ACADSB: variants seen among roughly 807,000 people sequenced by gnomAD.
ACADSB encodes acyl-CoA dehydrogenase short/branched chain.
A neutral mutation model predicts 54.1 loss-of-function variants in ACADSB; 40 were observed. That is an observed-to-expected ratio of 0.74 (90% CI 0.57 to 0.96). The LOEUF is 0.96. Ranked by LOEUF, ACADSB falls within the 40% of genes least tolerant of loss-of-function variation. ACADSB has a pLI of 0.00. For missense variants in ACADSB, 530 were observed against 510.4 expected (o/e 1.04, Z -0.37); for synonymous variants, 182 against 182.8 (o/e 1.00, Z 0.03).
chr10:123,044,348 C>G lies in ACADSB; in HGVS notation c.808-45C>G, dbSNP rs538719373. On this transcript the variant is annotated intron_variant, in intron 6 of 10. Transcript: ENST00000358776. ...TTACAAATATATAATCAAAATGAAT[C>G]ATGGAAAATGAAACTGAGAAATAAG... is the stretch of plus-strand genomic sequence containing the variant. The G allele has an allele frequency of 8.9e-6, 13 of 1,468,040 alleles. No homozygotes were observed. The Admixed American group carries it at 1.3e-4, about 15-fold the overall frequency. 90.9% of individuals were successfully genotyped at this position (1,468,040 alleles called of 1,614,324 possible). A position where few individuals can be genotyped will look rare whatever the true frequency, so the allele number is the denominator to read the frequency against.
intron 7 of ACADSB, among the ~76,000 whole-genome samples, chr10:123,045,623 C>T (rs1238345227): frequency 2.0e-5 from 3 of 152,008 alleles, no homozygotes; most frequent in Admixed American, 1.3e-4. Context: ...ACTTTGCTAA[C>T]TATTTTTAGA....
rs2133502025 is a variant in ACADSB at position 123,057,901 on chromosome 10, A to G, written c.*4136A>G. ...CTAGTATTAAACATTGCCCCTTTCG[A>G]CAAATTTTGGATTTCATTCTTGTTA... On this transcript the variant is annotated 3_prime_UTR_variant, in exon 11 of 11. Transcript: ENST00000358776. The G allele has an allele frequency of 6.6e-6, 1 of 152,300 alleles. No homozygotes were observed. Among genetic ancestry groups the G allele is most frequent in the Non-Finnish European group, 1.5e-5 (1 of 68,028 alleles). The allele number at this position is 152,300 out of a possible 1,614,324, so 9.4% of individuals were successfully genotyped here.
At chr10:123,031,283 T>C (rs1850322443) in intron 1 of ACADSB, among the ~76,000 whole-genome samples, 1 of 152,238 alleles carries the variant, frequency 6.6e-6, no homozygotes. Context: ...TGGACTTTAT[T>C]ATTCTGTCCA....
At chr10:123,019,855 C>G (rs545539575) in intron 1 of ACADSB, among the ~76,000 whole-genome samples, 2 of 152,280 alleles carry the variant, frequency 1.3e-5, no homozygotes, top group South Asian at 2.1e-4. Flanking sequence ...CACTCGCTAC[C>G]CCTAACCTCC....
At position 123,052,211 on chromosome 10, in the gene ACADSB, C is replaced by T. The variant is rs1462349635; in HGVS notation, c.1129-850C>T. On this transcript the variant is annotated intron_variant, in intron 9 of 10. Transcript: ENST00000358776. This position sits in a 1 kb window ranked among gnomAD's most constrained non-coding sequence, Gnocchi z 4.2. ...TCGGGGACCTAAAACAACGCAGTTT[C>T]ATTTTCTGTCACTTCTAGAGGTCAG... Among the ~76,000 whole-genome samples, 2 of 152,224 alleles carry T rather than the reference C, an allele frequency of 1.3e-5. No homozygotes were observed. Among genetic ancestry groups the T allele is most frequent in the African/African-American group, 4.8e-5 (2 of 41,448 alleles).
rs745900584 is a variant in ACADSB, at chr10:123,051,158, C to T, written c.1100C>T (p.Ala367Val). Residue 367 changes from alanine to valine, a missense_variant, in exon 9 of 11, where the codon GCG (alanine) becomes GTG (valine). Physicochemically the swap from Ala to Val is moderately conservative, Grantham distance 64. Transcript: ENST00000358776. ...GCTGGAAAGCCATTCATAAAAGAAG[C>T]GTCAATGGCCAAATACTATGCATCA... ...LEAGKPFIKE[A>V]SMAKYYASEI... 11 of 1,403,428 alleles carry T rather than the reference C, an allele frequency of 7.8e-6. No homozygotes were observed. Among genetic ancestry groups the T allele is most frequent in the Admixed American group, 4.5e-5 (2 of 44,758 alleles). 86.9% of individuals were successfully genotyped at this position (1,403,428 alleles called of 1,614,324 possible).
chr10:123,051,211 A>G, intron 9 of ACADSB, 25 bp downstream of exon 9: 4 of 1,358,400 alleles, frequency 2.9e-6, no homozygotes, highest in Non-Finnish European at 3.9e-6. Context: ...AAAAAAAAAA[A>G]AGGAAAAAGT....
intron 1 of ACADSB, chr10:123,027,521 C>T (rs1441833165): frequency 1.1e-5 from 5 of 455,242 alleles, no homozygotes; most frequent in Non-Finnish European, 2.2e-5. Flanking sequence ...TTCTCATTTT[C>T]TGCTGCTGCT....
Position 123,034,431 on chromosome 10 carries a change from G to A in ACADSB, c.118G>A (p.Ala40Thr). 1 of 1,613,396 alleles carries A rather than the reference G, an allele frequency of 6.2e-7. No individual in the cohort carries two copies. Among genetic ancestry groups the A allele is most frequent in the Non-Finnish European group, 8.5e-7 (1 of 1,179,738 alleles). The part of the protein sequence containing the change: ...PHVSKSSQSE[A>T]LLNITNNGIH... ...TGTCTCAAAATCTTCCCAGTCAGAAGCTCTACTCAATATAACAAATAATGG... is the reference window on the plus strand; with the variant it reads ...TGTCTCAAAATCTTCCCAGTCAGAAACTCTACTCAATATAACAAATAATGG... The change falls in exon 2 of 11, where the codon GCT becomes ACT. Residue 40 changes from alanine (A) to threonine (T), a missense_variant. Coordinates refer to ENST00000358776, the MANE Select transcript of ACADSB (RefSeq NM_001609.4).
At chr10:123,039,138 G>A (rs1398104313) in intron 3 of ACADSB, among the ~76,000 whole-genome samples, 1 of 152,236 alleles carries the variant, frequency 6.6e-6, no homozygotes, top group African/African-American at 2.4e-5. Flanking sequence ...GGAGAGATTA[G>A]TGACTTTTTT....
Position 123,054,596 on chromosome 10 carries a change from G to GA in ACADSB, c.*835dup, listed in dbSNP as rs1411703167. ...CTGGTTTTAAATATGAGAATCAGTG[G>GA]AAAATAAGGGTATAATTTTGTAGGT... On this transcript the variant is annotated 3_prime_UTR_variant, in exon 11 of 11. Coordinates refer to ENST00000358776, the MANE Select transcript of ACADSB (RefSeq NM_001609.4). 2 of 152,074 alleles carry GA rather than the reference G, an allele frequency of 1.3e-5. No individual in the cohort carries two copies. Among genetic ancestry groups the GA allele is most frequent in the African/African-American group, 4.8e-5 (2 of 41,404 alleles). 9.4% of individuals were successfully genotyped at this position (152,074 alleles called of 1,614,324 possible).
At position 123,037,782 on chromosome 10, in the gene ACADSB, G is replaced by T. The variant is rs777545593; in HGVS notation, c.238G>T (p.Val80Phe). ...TGCTCAGGAACAAATTGCACCTTTG[G>T]TTTCAACCATGGATGAAAATTCGAA... ...KFAQEQIAPL[V>F]STMDENSKME... is the part of the protein sequence containing the mutation. The change falls in exon 3 of 11, where the codon GTT becomes TTT. Residue 80 changes from valine (V) to phenylalanine (F), a missense_variant. By Grantham distance (50) the Val-to-Phe change is conservative (BLOSUM62 -1). Transcript: ENST00000358776. The T allele has an allele frequency of 2.3e-5, 37 of 1,612,262 alleles. No individual in the cohort carries two copies. The highest frequency in any genetic ancestry group is 2.9e-5 in the Non-Finnish European group (34 of 1,178,676).
intron 1 of ACADSB, among the ~76,000 whole-genome samples, chr10:123,030,945 AT>A (rs1213237390): frequency 8.5e-5 from 13 of 152,226 alleles, no homozygotes; most frequent in East Asian, 1.9e-4. Flanking sequence ...AAATCAATCT[AT>A]TTTTTTCCCC....
rs202191462 is a variant in ACADSB at position 123,053,168 on chromosome 10, G to C, written c.1228+8G>C. The C allele has an allele frequency of 9.9e-5, 146 of 1,475,008 alleles. 1 individual carries two copies. Among genetic ancestry groups the C allele is most frequent in the Non-Finnish European group, 2.9e-5 (32 of 1,111,678 alleles). 91.4% of individuals were successfully genotyped at this position (1,475,008 alleles called of 1,614,324 possible). The stretch of plus-strand genomic sequence containing the variant: ...TCCGAGATGCAAAGATTGGTAAATA[G>C]ATTTTTTTTTTTTACATTTTATTTT... On this transcript the variant is annotated splice_region_variant and intron_variant, in intron 10 of 10. Coordinates refer to ENST00000358776, the MANE Select transcript of ACADSB (RefSeq NM_001609.4).
chr10:123,042,588 C>T (rs1850489831), intron 5 of ACADSB, among the ~76,000 whole-genome samples: 2 of 150,506 alleles, frequency 1.3e-5, no homozygotes, highest in African/African-American at 2.4e-5. Context: ...AGCCTCCTGA[C>T]GGGTGCCTGC....
intron 1 of ACADSB, among the ~76,000 whole-genome samples, chr10:123,012,654 C>T (rs963310940): frequency 6.6e-6 from 1 of 151,904 alleles, no homozygotes; most frequent in African/African-American, 2.4e-5. Context: ...TAAGGCGGCA[C>T]ATCTGGAGTT....
chr10:123,053,328 CA>C lies in ACADSB; in HGVS notation c.1228+176del, dbSNP rs1314467229. On this transcript the variant is annotated intron_variant, in intron 10 of 10. Coordinates refer to ENST00000358776, the MANE Select transcript of ACADSB (RefSeq NM_001609.4). ...TGGATTTTTTTCTTACCTCGTCCTT[CA>C]AAAAAAATTGTTCTATATTTTTAAA... is the stretch of plus-strand genomic sequence containing the variant. 5.9e-5 allele frequency among the ~76,000 whole-genome samples: 9 copies of C among 151,308 alleles called. No homozygotes were observed. The South Asian group carries it at 1.5e-3, about 25-fold the overall frequency.
chr10:123,024,478 C>T (rs892215024), intron 1 of ACADSB, among the ~76,000 whole-genome samples: 2 of 152,174 alleles, frequency 1.3e-5, no homozygotes, highest in African/African-American at 4.8e-5. Flanking sequence ...ACCAAGGATC[C>T]TGAGTTGGAA....
In ACADSB at chr10:123,057,059, AG is replaced by A. The variant is rs1402014332; in HGVS notation, c.*3298del. ...GTATGACATGGATGAAATGCCCTAC[AG>A]GGGCCTTGGACATCTTTAATTTCTG... On this transcript the variant is annotated 3_prime_UTR_variant, in exon 11 of 11. Coordinates refer to ENST00000358776, the MANE Select transcript of ACADSB (RefSeq NM_001609.4). 1 of 152,648 alleles carries A rather than the reference AG, an allele frequency of 6.6e-6. No homozygotes were observed. The highest frequency in any genetic ancestry group is 1.5e-5 in the Non-Finnish European group (1 of 68,026). The allele number at this position is 152,648 out of a possible 1,614,324, so 9.5% of individuals were successfully genotyped here.
Sources: gnomAD v4.1 joint callset for allele counts (sites outside exome capture counted in the v4.1 genomes callset) on GRCh38, gnomAD v4.1.1 for gene constraint, Gnocchi (gnomAD v3.1) non-coding constraint, MANE v1.5 for transcripts, NCBI Gene and HGNC (gene_info 2026-07-23, HGNC 2026-07-21) for gene names.